ABLIM2: variants seen among roughly 807,000 people sequenced by gnomAD.
The protein encoded by ABLIM2 is actin binding LIM protein family member 2, also known as actin-binding LIM protein 2.
In ABLIM2, 53 loss-of-function variants were observed where a neutral mutation model predicts 97.7. That is an observed-to-expected ratio of 0.54 (90% CI 0.44 to 0.68). ABLIM2 has a LOEUF of 0.68. Ranked by LOEUF, ABLIM2 falls within the 30% of genes least tolerant of loss-of-function variation. The probability of loss-of-function intolerance (pLI) is 0.00; values close to 1 mark genes in which losing one functional copy is unlikely to be tolerated. For synonymous variants in ABLIM2, 361 were observed against 345.8 expected (o/e 1.04, Z -0.49); for missense variants, 835 against 867.2 (o/e 0.96, Z 0.47).
rs1772102263 is a variant in ABLIM2, at chr4:8,019,657, C to A, written c.1384G>T (p.Asp462Tyr). 6.2e-7 allele frequency: 1 copy of A among 1,612,196 alleles called. No homozygotes were observed. Among genetic ancestry groups the A allele is most frequent in the African/African-American group, 1.3e-5 (1 of 74,798 alleles). ...HFHVPDTGVKDNIYRKPPIYR... is the reference protein window; with the variant it reads ...HFHVPDTGVKYNIYRKPPIYR... Reference sequence around the variant, plus strand: ...ATAGGGGGTTTCCTATAGATGTTATCTTTTACGCCAGTGTCTGGGGAAGAA... The same window carrying A: ...ATAGGGGGTTTCCTATAGATGTTATATTTTACGCCAGTGTCTGGGGAAGAA... Residue 462 changes from aspartate (D) to tyrosine (Y), a missense_variant, in exon 14 of 21, where the codon GAT becomes TAT. Asp to Tyr is a radical substitution (Grantham distance 160). Coordinates refer to ENST00000447017, the MANE Select transcript of ABLIM2 (RefSeq NM_001130083.2). The surrounding 1 kb of genome is among the most constrained non-coding windows in gnomAD (Gnocchi z 4.3).
In ABLIM2 at chr4:8,158,704, G is replaced by T. The variant is rs1363738056; in HGVS notation, c.-15C>A. On this transcript the variant is annotated 5_prime_UTR_variant, in exon 1 of 21. Coordinates refer to ENST00000447017, the MANE Select transcript of ABLIM2 (RefSeq NM_001130083.2). ...CCTGCACTCATCTCAGCAGCCGCTCGGAGTCGGGGCGGCCCGGCGCTGCGA... is the reference window on the plus strand; with the variant it reads ...CCTGCACTCATCTCAGCAGCCGCTCTGAGTCGGGGCGGCCCGGCGCTGCGA... 6.9e-7 allele frequency: 1 copy of T among 1,454,548 alleles called. No homozygotes were observed. Among genetic ancestry groups the T allele is most frequent in the South Asian group, 1.3e-5 (1 of 75,444 alleles). The allele number at this position is 1,454,548 out of a possible 1,614,324, so 90.1% of individuals were successfully genotyped here. A position where few individuals can be genotyped will look rare whatever the true frequency, so the allele number is the denominator to read the frequency against.
Position 8,061,726 on chromosome 4 carries a change from C to T in ABLIM2, c.676-672G>A, listed in dbSNP as rs1333089518. On this transcript the variant is annotated intron_variant, in intron 6 of 20. Coordinates refer to ENST00000447017, the MANE Select transcript of ABLIM2 (RefSeq NM_001130083.2). This position sits in a 1 kb window ranked among gnomAD's most constrained non-coding sequence, Gnocchi z 4.5. The stretch of plus-strand genomic sequence containing the variant: ...CAGCACACACTTCCTACCCTGAGGG[C>T]ACGGCGGGTGCAGCCTATTGCTAAA... Among the ~76,000 whole-genome samples, 3 of 151,918 alleles carry T rather than the reference C, an allele frequency of 2.0e-5. No individual in the cohort carries two copies. The highest frequency in any genetic ancestry group is 1.3e-4 in the Admixed American group (2 of 15,260).
rs200495159 is a variant in ABLIM2, at chr4:8,032,200, G to GAAA, written c.1048-2427_1048-2425dup. 1.4e-5 allele frequency among the ~76,000 whole-genome samples: 2 copies of GAAA among 139,428 alleles called. No homozygotes were observed. The highest frequency in any genetic ancestry group is 7.0e-5 in the Admixed American group (1 of 14,354). The allele number at this position is 139,428 out of a possible 152,430, so 91.5% of individuals were successfully genotyped here. A position where few individuals can be genotyped will look rare whatever the true frequency, so the allele number is the denominator to read the frequency against. On this transcript the variant is annotated intron_variant, in intron 10 of 20. Coordinates refer to ENST00000447017, the MANE Select transcript of ABLIM2 (RefSeq NM_001130083.2). This position sits in a 1 kb window ranked among gnomAD's most constrained non-coding sequence, Gnocchi z 4.3. Reference sequence around the variant, plus strand: ...TGTCACTGATTAATTTTGAGAAACAGAAAAAAAAAAAAAAAACTAGACCAC... The same window carrying GAAA: ...TGTCACTGATTAATTTTGAGAAACAGAAAAAAAAAAAAAAAAAAACTAGACCAC...
In ABLIM2 at chr4:8,019,675, G is replaced by C. The variant is rs747547221; in HGVS notation, c.1370-4C>G. The C allele has an allele frequency of 1.2e-6, 2 of 1,611,784 alleles. No individual in the cohort carries two copies. Among genetic ancestry groups the C allele is most frequent in the East Asian group, 4.5e-5 (2 of 44,818 alleles). On this transcript the variant is annotated splice_region_variant and splice_polypyrimidine_tract_variant and intron_variant, in intron 13 of 20. Transcript: ENST00000447017. The surrounding 1 kb of genome is among the most constrained non-coding windows in gnomAD (Gnocchi z 4.3). ...ATGTTATCTTTTACGCCAGTGTCTG[G>C]GGAAGAAGAAAGAAAAAAAAGGAGA...
At chr4:8,089,055 A>T (rs1577508111) in intron 3 of ABLIM2, among the ~76,000 whole-genome samples, 1 of 152,228 alleles carries the variant, frequency 6.6e-6, no homozygotes, top group Middle Eastern at 3.4e-3. Flanking sequence ...ATTTATTTCA[A>T]TTTTTTAAAG....
rs1715068288 is a variant in ABLIM2 at position 8,155,666 on chromosome 4, A to T, written c.10+3014T>A. Among the ~76,000 whole-genome samples the T allele has an allele frequency of 6.6e-6, 1 of 152,236 alleles. No homozygotes were observed. Among genetic ancestry groups the T allele is most frequent in the Admixed American group, 6.5e-5 (1 of 15,284 alleles). On this transcript the variant is annotated intron_variant, in intron 1 of 20. Coordinates refer to ENST00000447017, the MANE Select transcript of ABLIM2 (RefSeq NM_001130083.2). This position sits in a 1 kb window ranked among gnomAD's most constrained non-coding sequence, Gnocchi z 4.2. ...TGGAGACAGGACCTTTAAGGAGACC[A>T]CTAAGGTGAAACGAGGTCATGAGGG...
chr4:8,074,760 G>GATCA (rs750268607), intron 6 of ABLIM2, among the ~76,000 whole-genome samples: 87 of 148,102 alleles, frequency 5.9e-4, no homozygotes, highest in Non-Finnish European at 1.1e-3. Context: ...AGCCATAAAT[G>GATCA]ATCAGCCTGG....
rs569615547 is a variant in ABLIM2 at position 8,123,521 on chromosome 4, T to C, written c.11-16884A>G. Among the ~76,000 whole-genome samples the C allele has an allele frequency of 6.6e-6, 1 of 152,340 alleles. No individual in the cohort carries two copies. The highest frequency in any genetic ancestry group is 2.4e-5 in the African/African-American group (1 of 41,580). The stretch of plus-strand genomic sequence containing the variant: ...AAGGGAGGCTGGTGTGAGGGAAGCA[T>C]TTCCGGCATGTCTAATTAAAACTGG... On this transcript the variant is annotated intron_variant, in intron 1 of 20. Coordinates refer to ENST00000447017, the MANE Select transcript of ABLIM2 (RefSeq NM_001130083.2). This position sits in a 1 kb window ranked among gnomAD's most constrained non-coding sequence, Gnocchi z 6.2.
At chr4:7,967,566 G>A (rs1723914570) in intron 20 of ABLIM2, among the ~76,000 whole-genome samples, 1 of 152,226 alleles carries the variant, frequency 6.6e-6, no homozygotes, top group Admixed American at 6.5e-5. Context: ...GGCGCGGACA[G>A]TGAGCAAGAA....
At chr4:8,064,657 T>C (rs765630099) in intron 6 of ABLIM2, among the ~76,000 whole-genome samples, 9 of 152,164 alleles carry the variant, frequency 5.9e-5, no homozygotes, top group Non-Finnish European at 7.3e-5. Flanking sequence ...TGGAGGATGC[T>C]GGTGAACTGA....
chr4:8,094,792 G>A (rs761666816), intron 3 of ABLIM2, among the ~76,000 whole-genome samples: 10 of 152,074 alleles, frequency 6.6e-5, no homozygotes, highest in Non-Finnish European at 1.0e-4. Flanking sequence ...TTCTGGCTTT[G>A]GGTCACATTT....
intron 7 of ABLIM2, among the ~76,000 whole-genome samples, chr4:8,056,759 C>T (rs764803453): frequency 7.9e-5 from 12 of 151,602 alleles, no homozygotes; most frequent in South Asian, 4.2e-4. Context: ...GGTGAAACCC[C>T]GTCTCTACTA....
Position 8,095,622 on chromosome 4 carries a change from G to A in ABLIM2, c.338+1477C>T, listed in dbSNP as rs529662005. Among the ~76,000 whole-genome samples, 14 of 152,194 alleles carry A rather than the reference G, an allele frequency of 9.2e-5. No individual in the cohort carries two copies. The highest frequency in any genetic ancestry group is 2.4e-4 in the African/African-American group (10 of 41,540). On this transcript the variant is annotated intron_variant, in intron 3 of 20. Coordinates refer to ENST00000447017, the MANE Select transcript of ABLIM2 (RefSeq NM_001130083.2). The surrounding 1 kb of genome is among the most constrained non-coding windows in gnomAD (Gnocchi z 4.7). The stretch of plus-strand genomic sequence containing the variant: ...TGGTCTCCAGTTCCTGGTCTCAAGC[G>A]ATCCTCCTACCTTGGCCTCCCGAGG...
At position 7,983,533 on chromosome 4, in the gene ABLIM2, G is replaced by A. The variant is rs751650705; in HGVS notation, c.1743+14C>T. 10 of 1,612,980 alleles carry A rather than the reference G, an allele frequency of 6.2e-6. No individual in the cohort carries two copies. In the East Asian group the frequency reaches 2.0e-4, roughly 32 times the overall value. ...GCGCGGCACGGAGGTCAGTGTGGGA[G>A]CGGCCCCGCTTACCTTGTATTCTGT... is the stretch of plus-strand genomic sequence containing the variant. On this transcript the variant is annotated intron_variant, in intron 19 of 20. Transcript: ENST00000447017.
chr4:8,008,125 A>G lies in ABLIM2; in HGVS notation c.1552T>C (p.Leu518=). ...CTGTCGGTCCCGCTGCTGTGGGACAAGGACTGGGTGTCCAGGTCTGGAGAA... is the reference window on the plus strand; with the variant it reads ...CTGTCGGTCCCGCTGCTGTGGGACAGGGACTGGGTGTCCAGGTCTGGAGAA... ...TNSPDLDTQS[L]SHSSGTDRDP... is the part of the protein sequence containing the mutation. The change falls in exon 16 of 21, where the codon TTG becomes CTG. Residue 518 remains leucine (L), a synonymous_variant. Coordinates refer to ENST00000447017, the MANE Select transcript of ABLIM2 (RefSeq NM_001130083.2). The G allele has an allele frequency of 6.2e-7, 1 of 1,614,054 alleles. No homozygotes were observed. The highest frequency in any genetic ancestry group is 1.7e-5 in the Admixed American group (1 of 60,028).
rs1722998076 is a variant in ABLIM2, at chr4:7,966,409, CCT to C, written c.*579_*580del. The C allele has an allele frequency of 6.5e-6, 1 of 152,984 alleles. No individual in the cohort carries two copies. The highest frequency in any genetic ancestry group is 1.5e-5 in the Non-Finnish European group (1 of 68,210). The allele number at this position is 152,984 out of a possible 1,614,324, so 9.5% of individuals were successfully genotyped here. On this transcript the variant is annotated 3_prime_UTR_variant, in exon 21 of 21. Coordinates refer to ENST00000447017, the MANE Select transcript of ABLIM2 (RefSeq NM_001130083.2). ...ATGGAGGGGCGCTGGCGGAAGGTGC[CCT>C]GTCTTGTCCCTTGTTGACATTTGTC...
At position 8,158,743 on chromosome 4, in the gene ABLIM2, G is replaced by C. The variant is rs1265509801; in HGVS notation, c.-54C>G. The stretch of plus-strand genomic sequence containing the variant: ...CCGGCGCTGCGACAGCCAGACCCTC[G>C]GGCCCGCAGGTGCCGCGCCCGCGCT... On this transcript the variant is annotated 5_prime_UTR_variant, in exon 1 of 21. Transcript: ENST00000447017. 1.4e-5 allele frequency: 19 copies of C among 1,351,636 alleles called. No individual in the cohort carries two copies. The highest frequency in any genetic ancestry group is 1.6e-5 in the Non-Finnish European group (17 of 1,054,168). The allele number at this position is 1,351,636 out of a possible 1,614,324, so 83.7% of individuals were successfully genotyped here. A position where few individuals can be genotyped will look rare whatever the true frequency, so the allele number is the denominator to read the frequency against.
chr4:8,126,613 T>C (rs910989278), intron 1 of ABLIM2, among the ~76,000 whole-genome samples: 3 of 152,086 alleles, frequency 2.0e-5, no homozygotes, highest in African/African-American at 7.2e-5. Flanking sequence ...TTTATGTTAA[T>C]ATCAGGGAAC....
intron 1 of ABLIM2, among the ~76,000 whole-genome samples, chr4:8,154,281 C>CTTTTT (rs34112937): frequency 2.8e-4 from 32 of 114,490 alleles, no homozygotes; most frequent in African/African-American, 7.1e-4. Context: ...CTTTTCTTTT[C>CTTTTT]TTTTTTTTTT....
Sources: allele counts gnomAD v4.1 joint callset (sites outside exome capture counted in the v4.1 genomes callset), GRCh38; gene constraint gnomAD v4.1.1; non-coding constraint Gnocchi (gnomAD v3.1); transcripts MANE v1.5; gene names NCBI Gene and HGNC (gene_info 2026-07-23, HGNC 2026-07-21).